Variants in DLGAP2 observed in about 807,000 individuals in gnomAD.
The protein encoded by DLGAP2 is disks large-associated protein 2.
Under a neutral mutation model 100.3 loss-of-function variants are expected in DLGAP2, and 26 were observed. That is an observed-to-expected ratio of 0.26 (90% CI 0.19 to 0.36). DLGAP2 has a LOEUF of 0.36. Among genes scored for constraint, DLGAP2 ranks in the 10% least tolerant of loss-of-function variants. The pLI is 1.00. For synonymous variants in DLGAP2, 886 were observed against 630.1 expected, an observed-to-expected ratio of 1.41 and a Z score of -6.08; for missense variants, 1,858 against 1,453.2, an observed-to-expected ratio of 1.28 and a Z score of -4.53.
intron 2 of DLGAP2, among the ~76,000 whole-genome samples, chr8:1,001,172 A>G (rs1223963834): frequency 6.6e-6 from 1 of 152,156 alleles, no homozygotes; most frequent in Non-Finnish European, 1.5e-5. Flanking sequence ...TTGCTGCTAT[A>G]GATAATGTTT....
intron 1 of DLGAP2, among the ~76,000 whole-genome samples, chr8:752,498 C>T (rs75720635): frequency 0.022 from 3,288 of 152,266 alleles, 47 homozygotes; most frequent in Middle Eastern, 0.048. Context: ...TGGCAGGGCC[C>T]GGTCAGCACC....
At chr8:1,053,237 C>T (rs116357589) in intron 2 of DLGAP2, among the ~76,000 whole-genome samples, 1 of 152,160 alleles carries the variant, frequency 6.6e-6, no homozygotes, top group Non-Finnish European at 1.5e-5. Flanking sequence ...CTCCTGGTGA[C>T]TGGCCAGTCT....
intron 3 of DLGAP2, among the ~76,000 whole-genome samples, chr8:1,493,757 T>C (rs1799461305): frequency 6.6e-6 from 1 of 152,210 alleles, no homozygotes; most frequent in Non-Finnish European, 1.5e-5. Context: ...AGCGGCTGGC[T>C]CCTGTAGAGA....
intron 12 of DLGAP2, among the ~76,000 whole-genome samples, chr8:1,690,046 G>A (rs1563065038): frequency 6.6e-6 from 1 of 152,324 alleles, no homozygotes; most frequent in African/African-American, 2.4e-5. Context: ...TGGTGACCAT[G>A]CTGACAGCAG....
chr8:1,618,606 A>G (rs1286729361), intron 6 of DLGAP2, among the ~76,000 whole-genome samples: 47 of 152,260 alleles, frequency 3.1e-4, no homozygotes, highest in Non-Finnish European at 7.3e-5. Flanking sequence ...TCTTGATAAA[A>G]AAGAACACAG....
At chr8:1,517,878 A>G (rs876664) in intron 4 of DLGAP2, among the ~76,000 whole-genome samples, 94,709 of 152,106 alleles carry the variant, frequency 0.62, 29,878 homozygotes, top group South Asian at 0.8. Flanking sequence ...AATAAGACAG[A>G]GACTGGGGAG....
chr8:1,668,294 C>G, intron 8 of DLGAP2, 35 bp from the exon 9 acceptor site: 3 of 1,446,634 alleles, frequency 2.1e-6, no homozygotes, highest in Non-Finnish European at 1.8e-6. Flanking sequence ...CGGGGAAGAA[C>G]ACGCCTGTTG....
At chr8:861,299 C>G (rs1328049559) in intron 1 of DLGAP2, among the ~76,000 whole-genome samples, 1 of 152,154 alleles carries the variant, frequency 6.6e-6, no homozygotes, top group African/African-American at 2.4e-5. Context: ...GGTACAGACA[C>G]TGCCCCTTTT....
chr8:1,519,777 C>G (rs1046095051), intron 4 of DLGAP2, among the ~76,000 whole-genome samples: 3 of 152,280 alleles, frequency 2.0e-5, no homozygotes, highest in African/African-American at 4.8e-5. Context: ...TCCTGGGGAC[C>G]TGGCCCTGTG....
At chr8:846,578 A>C (rs934512854) in intron 1 of DLGAP2, among the ~76,000 whole-genome samples, 1 of 152,240 alleles carries the variant, frequency 6.6e-6, no homozygotes, top group African/African-American at 2.4e-5. Flanking sequence ...GGATATGATG[A>C]ATAGTGCTGC....
At chr8:1,471,839 T>A (rs1359721362) in intron 3 of DLGAP2, among the ~76,000 whole-genome samples, 1 of 152,036 alleles carries the variant, frequency 6.6e-6, no homozygotes, top group African/African-American at 2.4e-5. Flanking sequence ...CCAAGTCTTC[T>A]TTTCTTCCAG....
intron 6 of DLGAP2, among the ~76,000 whole-genome samples, chr8:1,580,967 C>T (rs912932665): frequency 2.0e-5 from 3 of 149,042 alleles, no homozygotes; most frequent in African/African-American, 7.5e-5. Context: ...CATCTACACA[C>T]ACCACAAACT....
At chr8:1,224,340 T>C (rs1010476342) in intron 2 of DLGAP2, among the ~76,000 whole-genome samples, 2 of 152,108 alleles carry the variant, frequency 1.3e-5, no homozygotes, top group African/African-American at 4.8e-5. Context: ...GTAGGAAAAA[T>C]TTTCACTGTC....
chr8:1,583,013 C>G (rs1795994555), intron 6 of DLGAP2, among the ~76,000 whole-genome samples: 1 of 152,170 alleles, frequency 6.6e-6, no homozygotes, highest in South Asian at 2.1e-4. Context: ...GTGAGACGCA[C>G]TGACCCATTC....
chr8:1,506,093 CAT>C (rs1584963538), intron 4 of DLGAP2, among the ~76,000 whole-genome samples: 1 of 152,298 alleles, frequency 6.6e-6, no homozygotes, highest in African/African-American at 2.4e-5. Context: ...AGATTGTGAA[CAT>C]GTTTTTATAT....
chr8:1,549,719 G>T (rs1425531395), intron 5 of DLGAP2, 36 bp downstream of exon 5: 3 of 1,500,846 alleles, frequency 2.0e-6, no homozygotes, highest in South Asian at 1.2e-5. Context: ...GGCCGTCTCG[G>T]CACAGCAGGT....
intron 2 of DLGAP2, among the ~76,000 whole-genome samples, chr8:1,215,480 C>T (rs113142664): frequency 0.12 from 10,592 of 88,596 alleles, 487 homozygotes; most frequent in East Asian, 0.17. Context: ...GTCCAGGTAC[C>T]TGGATGGGTT....
At chr8:1,148,955 G>C (rs1202172680) in intron 2 of DLGAP2, among the ~76,000 whole-genome samples, 2 of 152,098 alleles carry the variant, frequency 1.3e-5, no homozygotes, top group Non-Finnish European at 2.9e-5. Context: ...CTTGTGTTCA[G>C]ATGTTTTAAA....
At chr8:1,207,388 G>A (rs62486893) in intron 2 of DLGAP2, among the ~76,000 whole-genome samples, 23,243 of 152,096 alleles carry the variant, frequency 0.15, 2,109 homozygotes, top group Admixed American at 0.21. Context: ...CTCCATCCAG[G>A]CTGCCGCAAA....
Sources: gnomAD v4.1 joint callset for allele counts (sites outside exome capture counted in the v4.1 genomes callset) on GRCh38, gnomAD v4.1.1 for gene constraint, MANE v1.5 for transcripts, NCBI Gene and HGNC (gene_info 2026-07-23, HGNC 2026-07-21) for gene names.